TMEM203: variants seen among roughly 807,000 people sequenced by gnomAD.
TMEM203 encodes the protein transmembrane protein 203.
TMEM203 carries 4 observed loss-of-function variants against 7.9 expected under a neutral mutation model. That is an observed-to-expected ratio of 0.51 (90% CI 0.25 to 1.16). The LOEUF (loss-of-function observed/expected upper bound fraction) is 1.16, where lower values mean the gene tolerates loss of function less well. Ranked by LOEUF, TMEM203 falls within the 50% of genes most tolerant of loss-of-function variation. The pLI, the probability that TMEM203 is intolerant of heterozygous loss-of-function variation, is 0.15. For synonymous variants in TMEM203, 92 were observed against 82.5 expected (o/e 1.11, Z -0.62); for missense variants, 127 against 174.4 (o/e 0.73, Z 1.53).
chr9:137,204,804 G>T lies in TMEM203; in HGVS notation c.*200C>A. On this transcript the variant is annotated 3_prime_UTR_variant, in exon 1 of 1. Coordinates refer to ENST00000343666, the MANE Select transcript of TMEM203 (RefSeq NM_053045.2). The stretch of plus-strand genomic sequence containing the variant: ...TAAACAAAAGGAAATACATTTTCAG[G>T]ATGAAGGCTGCTCTTTTAAGCCCTG... 1.5e-6 allele frequency: 1 copy of T among 672,466 alleles called. No homozygotes were observed. Among genetic ancestry groups the T allele is most frequent in the Non-Finnish European group, 2.4e-6 (1 of 410,014 alleles). The allele number at this position is 672,466 out of a possible 1,614,324, so 41.7% of individuals were successfully genotyped here.
In TMEM203 at chr9:137,205,068, A is replaced by T. The variant is rs1171047200; in HGVS notation, c.347T>A (p.Leu116His). ...AEQTRELWFG[L>H]ITSPLFILLQ... is the part of the protein sequence containing the mutation. ...GAGAATGAAGAGCGGGGACGTAATG[A>T]GGCCGAACCAGAGCTCCCGAGTCTG... Residue 116 changes from leucine (L) to histidine (H), a missense_variant, in exon 1 of 1, where the codon CTC becomes CAC. Transcript: ENST00000343666. 1 of 1,612,872 alleles carries T rather than the reference A, an allele frequency of 6.2e-7. No homozygotes were observed. The highest frequency in any genetic ancestry group is 1.7e-5 in the Admixed American group (1 of 60,022).
chr9:137,204,900 C>A lies in TMEM203; in HGVS notation c.*104G>T. 1 of 1,435,102 alleles carries A rather than the reference C, an allele frequency of 7.0e-7. No individual in the cohort carries two copies. The highest frequency in any genetic ancestry group is 9.2e-7 in the Non-Finnish European group (1 of 1,083,218). The allele number at this position is 1,435,102 out of a possible 1,614,324, so 88.9% of individuals were successfully genotyped here. ...CTCAGCTCGGCGCAAGCCGGCGGTG[C>A]CTTCAGACTAGAGAGCCTCTCCTCC... is the stretch of plus-strand genomic sequence containing the variant. On this transcript the variant is annotated 3_prime_UTR_variant, in exon 1 of 1. Coordinates refer to ENST00000343666, the MANE Select transcript of TMEM203 (RefSeq NM_053045.2).
Position 137,205,465 on chromosome 9 carries a change from G to C in TMEM203, c.-51C>G. 1 of 1,448,106 alleles carries C rather than the reference G, an allele frequency of 6.9e-7. No homozygotes were observed. Among genetic ancestry groups the C allele is most frequent in the Non-Finnish European group, 9.1e-7 (1 of 1,097,972 alleles). The allele number at this position is 1,448,106 out of a possible 1,614,324, so 89.7% of individuals were successfully genotyped here. A position where few individuals can be genotyped will look rare whatever the true frequency, so the allele number is the denominator to read the frequency against. On this transcript the variant is annotated 5_prime_UTR_variant, in exon 1 of 1. Coordinates refer to ENST00000343666, the MANE Select transcript of TMEM203 (RefSeq NM_053045.2). The stretch of plus-strand genomic sequence containing the variant: ...CCCGGCCGAGCGTGCCACCCGCGGG[G>C]CTGCGTCTCCTCTCCCCGTGGCCCT...
At position 137,205,385 on chromosome 9, in the gene TMEM203, C is replaced by G; in HGVS notation, c.30G>C (p.Gln10His). Residue 10 changes from glutamine (Q) to histidine (H), a missense_variant, in exon 1 of 1, where the codon CAG becomes CAC. Physicochemically the swap from Gln to His is conservative, Grantham distance 24 (BLOSUM62 0). Transcript: ENST00000343666. MLFSLRELV[Q>H]WLGFATFEIF... ...TCTCGAAGGTGGCGAAGCCTAGCCA[C>G]TGCACCAGCTCCCGGAGCGAGAAGA... The G allele has an allele frequency of 6.3e-7, 1 of 1,592,894 alleles. No homozygotes were observed. The highest frequency in any genetic ancestry group is 8.6e-7 in the Non-Finnish European group (1 of 1,168,888).
chr9:137,205,564 T>C lies in TMEM203; in HGVS notation c.-150A>G. On this transcript the variant is annotated 5_prime_UTR_variant, in exon 1 of 1. Transcript: ENST00000343666. The stretch of plus-strand genomic sequence containing the variant: ...CGCCAGCCCCAGCCCTCGGCCCTGA[T>C]GCGCCGGCAATCCCCCGGCCCCGAC... 8.3e-7 allele frequency: 1 copy of C among 1,207,626 alleles called. No homozygotes were observed. Among genetic ancestry groups the C allele is most frequent in the East Asian group, 3.0e-5 (1 of 33,138 alleles). The allele number at this position is 1,207,626 out of a possible 1,614,324, so 74.8% of individuals were successfully genotyped here.
Position 137,205,485 on chromosome 9 carries a change from G to A in TMEM203, c.-71C>T. 1 of 1,346,728 alleles carries A rather than the reference G, an allele frequency of 7.4e-7. No homozygotes were observed. Among genetic ancestry groups the A allele is most frequent in the Non-Finnish European group, 9.5e-7 (1 of 1,048,222 alleles). 83.4% of individuals were successfully genotyped at this position (1,346,728 alleles called of 1,614,324 possible). On this transcript the variant is annotated 5_prime_UTR_variant, in exon 1 of 1. Transcript: ENST00000343666. ...GCGGGGCTGCGTCTCCTCTCCCCGT[G>A]GCCCTCGCCCGCGCCTGCCGCCGCT... is the stretch of plus-strand genomic sequence containing the variant.
Position 137,205,463 on chromosome 9 carries a change from G to A in TMEM203, c.-49C>T. The A allele has an allele frequency of 1.4e-6, 2 of 1,449,590 alleles. No homozygotes were observed. The highest frequency in any genetic ancestry group is 1.8e-6 in the Non-Finnish European group (2 of 1,098,464). 89.8% of individuals were successfully genotyped at this position (1,449,590 alleles called of 1,614,324 possible). ...GGCCCGGCCGAGCGTGCCACCCGCG[G>A]GGCTGCGTCTCCTCTCCCCGTGGCC... is the stretch of plus-strand genomic sequence containing the variant. On this transcript the variant is annotated 5_prime_UTR_variant, in exon 1 of 1. Coordinates refer to ENST00000343666, the MANE Select transcript of TMEM203 (RefSeq NM_053045.2).
chr9:137,205,593 G>C lies in TMEM203; in HGVS notation c.-179C>G, dbSNP rs1834910962. ...CCGGCAATCCCCCGGCCCCGACCCG[G>C]GACTCAACCCTGGCCGCCCGTGAAC... On this transcript the variant is annotated 5_prime_UTR_variant, in exon 1 of 1. Transcript: ENST00000343666. 1 of 1,248,106 alleles carries C rather than the reference G, an allele frequency of 8.0e-7. No individual in the cohort carries two copies. Among genetic ancestry groups the C allele is most frequent in the Admixed American group, 2.5e-5 (1 of 39,392 alleles). 77.3% of individuals were successfully genotyped at this position (1,248,106 alleles called of 1,614,324 possible).
In TMEM203 at chr9:137,205,525, G is replaced by T; in HGVS notation, c.-111C>A. ...CTGCCGCCGCTGCTGCGAGCGAGAG[G>T]CAGCGAGCGGCCCCGCCAGCCCCAG... On this transcript the variant is annotated 5_prime_UTR_variant, in exon 1 of 1. Coordinates refer to ENST00000343666, the MANE Select transcript of TMEM203 (RefSeq NM_053045.2). 8.1e-7 allele frequency: 1 copy of T among 1,232,718 alleles called. No individual in the cohort carries two copies. Among genetic ancestry groups the T allele is most frequent in the Non-Finnish European group, 1.0e-6 (1 of 955,812 alleles). The allele number at this position is 1,232,718 out of a possible 1,614,324, so 76.4% of individuals were successfully genotyped here.
In TMEM203 at chr9:137,205,110, C is replaced by T; in HGVS notation, c.305G>A (p.Cys102Tyr). Residue 102 changes from cysteine (C) to tyrosine (Y), a missense_variant, in exon 1 of 1, where the codon TGC (cysteine) becomes TAC (tyrosine). Coordinates refer to ENST00000343666, the MANE Select transcript of TMEM203 (RefSeq NM_053045.2). ...CCGAGTCTGCTCCGCCAGCTTCTGG[C>T]ACAACAGCATCTCGAAGACGAACTT... ...SLKFVFEMLL[C>Y]QKLAEQTREL... The T allele has an allele frequency of 6.2e-7, 1 of 1,612,940 alleles. No individual in the cohort carries two copies. Among genetic ancestry groups the T allele is most frequent in the Non-Finnish European group, 8.5e-7 (1 of 1,179,984 alleles).
chr9:137,205,025 G>C lies in TMEM203; in HGVS notation c.390C>G (p.Ile130Met). ...GAGGCTAGTTGACCCGACAGGCGCG[G>C]ATCATGAGCAGCTGCAGGAGAATGA... ...PLFILLQLLM[I>M]RACRVN The change falls in exon 1 of 1, where the codon ATC becomes ATG. Residue 130 changes from isoleucine to methionine, a missense_variant. By Grantham distance (10) the Ile-to-Met change is conservative (BLOSUM62 1). Coordinates refer to ENST00000343666, the MANE Select transcript of TMEM203 (RefSeq NM_053045.2). 1 of 1,609,920 alleles carries C rather than the reference G, an allele frequency of 6.2e-7. No homozygotes were observed. Among genetic ancestry groups the C allele is most frequent in the South Asian group, 1.1e-5 (1 of 91,046 alleles).
chr9:137,205,082 C>T lies in TMEM203; in HGVS notation c.333G>A (p.Glu111=). Residue 111 remains glutamate (E), a synonymous_variant, in exon 1 of 1, where the codon GAG becomes GAA. Coordinates refer to ENST00000343666, the MANE Select transcript of TMEM203 (RefSeq NM_053045.2). ...LCQKLAEQTR[E]LWFGLITSPL... ...GGGACGTAATGAGGCCGAACCAGAG[C>T]TCCCGAGTCTGCTCCGCCAGCTTCT... 6.2e-7 allele frequency: 1 copy of T among 1,612,938 alleles called. No homozygotes were observed. The highest frequency in any genetic ancestry group is 1.7e-5 in the Admixed American group (1 of 60,024).
Position 137,204,925 on chromosome 9 carries a change from C to T in TMEM203, c.*79G>A. The T allele has an allele frequency of 2.0e-6, 3 of 1,510,810 alleles. No individual in the cohort carries two copies. Among genetic ancestry groups the T allele is most frequent in the Non-Finnish European group, 2.7e-6 (3 of 1,127,102 alleles). The allele number at this position is 1,510,810 out of a possible 1,614,324, so 93.6% of individuals were successfully genotyped here. A position where few individuals can be genotyped will look rare whatever the true frequency, so the allele number is the denominator to read the frequency against. On this transcript the variant is annotated 3_prime_UTR_variant, in exon 1 of 1. Coordinates refer to ENST00000343666, the MANE Select transcript of TMEM203 (RefSeq NM_053045.2). Reference sequence around the variant, plus strand: ...CCTTCAGACTAGAGAGCCTCTCCTCCGGTGCGCTGCAAGTAGGGCCTCGGC... The same window carrying T: ...CCTTCAGACTAGAGAGCCTCTCCTCTGGTGCGCTGCAAGTAGGGCCTCGGC...
rs1187476125 is a variant in TMEM203, at chr9:137,205,371, G to A, written c.44C>T (p.Ala15Val). 6.2e-7 allele frequency: 1 copy of A among 1,601,880 alleles called. No individual in the cohort carries two copies. The highest frequency in any genetic ancestry group is 1.3e-5 in the African/African-American group (1 of 74,920). ...LRELVQWLGF[A>V]TFEIFVHLLA... is the part of the protein sequence containing the mutation. The stretch of plus-strand genomic sequence containing the variant: ...CAGGTGCACGAAGATCTCGAAGGTG[G>A]CGAAGCCTAGCCACTGCACCAGCTC... Residue 15 changes from alanine (A) to valine (V), a missense_variant, in exon 1 of 1, where the codon GCC becomes GTC. Ala to Val is a moderately conservative substitution (Grantham distance 64). Transcript: ENST00000343666.
At position 137,205,265 on chromosome 9, in the gene TMEM203, G is replaced by T; in HGVS notation, c.150C>A (p.Phe50Leu). Reference protein sequence around the residue: ...LVPGLSWWNVFVPFFAADGLS... With the variant: ...LVPGLSWWNVLVPFFAADGLS... ...GCCCGTCAGCGGCGAAGAAAGGCAC[G>T]AACACGTTCCACCAGGAGAGGCCCG... The change falls in exon 1 of 1, where the codon TTC becomes TTA. Residue 50 changes from phenylalanine to leucine, a missense_variant. Coordinates refer to ENST00000343666, the MANE Select transcript of TMEM203 (RefSeq NM_053045.2). The T allele has an allele frequency of 1.2e-6, 2 of 1,611,330 alleles. No individual in the cohort carries two copies. The highest frequency in any genetic ancestry group is 1.1e-5 in the South Asian group (1 of 90,844).
Position 137,205,148 on chromosome 9 carries a change from C to G in TMEM203, c.267G>C (p.Thr89=), listed in dbSNP as rs762780280. ...LAVLRLFWVL[T]VLSLKFVFEM... ...CGAAGACGAACTTGAGACTCAGGAC[C>G]GTAAGTACCCAGAAAAGGCGGAGCA... The change falls in exon 1 of 1, where the codon ACG becomes ACC. Residue 89 remains threonine (T), a synonymous_variant. Coordinates refer to ENST00000343666, the MANE Select transcript of TMEM203 (RefSeq NM_053045.2). 2.5e-6 allele frequency: 4 copies of G among 1,612,856 alleles called. No homozygotes were observed. Among genetic ancestry groups the G allele is most frequent in the Non-Finnish European group, 8.5e-7 (1 of 1,179,978 alleles).
chr9:137,205,580 C>G lies in TMEM203; in HGVS notation c.-166G>C. The G allele has an allele frequency of 8.3e-7, 1 of 1,203,188 alleles. No homozygotes were observed. Among genetic ancestry groups the G allele is most frequent in the Non-Finnish European group, 1.1e-6 (1 of 899,372 alleles). The allele number at this position is 1,203,188 out of a possible 1,614,324, so 74.5% of individuals were successfully genotyped here. A position where few individuals can be genotyped will look rare whatever the true frequency, so the allele number is the denominator to read the frequency against. ...CGGCCCTGATGCGCCGGCAATCCCC[C>G]GGCCCCGACCCGGGACTCAACCCTG... On this transcript the variant is annotated 5_prime_UTR_variant, in exon 1 of 1. Coordinates refer to ENST00000343666, the MANE Select transcript of TMEM203 (RefSeq NM_053045.2).
Position 137,205,342 on chromosome 9 carries a change from C to T in TMEM203, c.73G>A (p.Ala25Thr). 1 of 1,609,062 alleles carries T rather than the reference C, an allele frequency of 6.2e-7. No homozygotes were observed. Among genetic ancestry groups the T allele is most frequent in the East Asian group, 2.2e-5 (1 of 44,692 alleles). ...AGCAGCACAGAGAACACCAACAGGG[C>T]CAGCAGGTGCACGAAGATCTCGAAG... ...ATFEIFVHLL[A>T]LLVFSVLLAL... The change falls in exon 1 of 1, where the codon GCC (alanine) becomes ACC (threonine). Residue 25 changes from alanine (A) to threonine (T), a missense_variant. Transcript: ENST00000343666.
chr9:137,204,943 G>C lies in TMEM203; in HGVS notation c.*61C>G. The C allele has an allele frequency of 1.3e-6, 2 of 1,538,720 alleles. No homozygotes were observed. Among genetic ancestry groups the C allele is most frequent in the South Asian group, 1.2e-5 (1 of 80,220 alleles). On this transcript the variant is annotated 3_prime_UTR_variant, in exon 1 of 1. Transcript: ENST00000343666. Reference sequence around the variant, plus strand: ...TCTCCTCCGGTGCGCTGCAAGTAGGGCCTCGGCTCGAGGTCAACATTCTAG... The same window carrying C: ...TCTCCTCCGGTGCGCTGCAAGTAGGCCCTCGGCTCGAGGTCAACATTCTAG...
Sources: allele counts gnomAD v4.1 joint callset, GRCh38; gene constraint gnomAD v4.1.1; transcripts MANE v1.5; gene names NCBI Gene and HGNC (gene_info 2026-07-23, HGNC 2026-07-21).